SARDH: variants seen among roughly 807,000 people sequenced by gnomAD.
The protein encoded by SARDH is sarcosine dehydrogenase, mitochondrial.
SARDH carries 95 observed loss-of-function variants against 109.1 expected under a neutral mutation model. The ratio of observed to expected loss-of-function variants is 0.87; its 90% CI spans 0.74 to 1.03. The LOEUF is 1.03. Ranked by LOEUF, SARDH falls within the 50% of genes least tolerant of loss-of-function variation. SARDH has a pLI of 0.00. For synonymous variants in SARDH, 572 were observed against 534.8 expected, an observed-to-expected ratio of 1.07 and a Z score of -0.96; for missense variants, 1,267 against 1,287.8, an observed-to-expected ratio of 0.98 and a Z score of 0.25.
At chr9:133,735,117 G>T (rs1832838765) in intron 1 of SARDH, among the ~76,000 whole-genome samples, 1 of 152,220 alleles carries the variant, frequency 6.6e-6, no homozygotes, top group African/African-American at 2.4e-5. Flanking sequence ...GCAGCCTCGA[G>T]ACGGGGCACC....
chr9:133,697,696 A>G (rs1831332265), intron 13 of SARDH, among the ~76,000 whole-genome samples: 1 of 152,256 alleles, frequency 6.6e-6, no homozygotes, highest in South Asian at 2.1e-4. Context: ...CAGATACAGA[A>G]AAGTATTTGA....
At chr9:133,734,408 C>CACTCAT (rs1832805478) in intron 1 of SARDH, among the ~76,000 whole-genome samples, 1 of 110,576 alleles carries the variant, frequency 9.0e-6, no homozygotes, top group Non-Finnish European at 1.8e-5. Flanking sequence ...CATTCATTCA[C>CACTCAT]TCATTCATTC....
At chr9:133,730,528 T>TAAA (rs33917417) in intron 4 of SARDH, among the ~76,000 whole-genome samples, 14,129 of 142,448 alleles carry the variant, frequency 0.099, 884 homozygotes, top group African/African-American at 0.16. Flanking sequence ...TACTGCTTGG[T>TAAA]AAAAAAAAAA....
At chr9:133,687,992 C>T (rs1307937056) in intron 16 of SARDH, among the ~76,000 whole-genome samples, 2 of 152,158 alleles carry the variant, frequency 1.3e-5, no homozygotes, top group Non-Finnish European at 1.5e-5. Flanking sequence ...CTGGGCGCAC[C>T]GGCCGCCCCC....
Position 133,690,509 on chromosome 9 carries a change from G to A in SARDH, c.1940C>T (p.Ala647Val). 1 of 1,605,140 alleles carries A rather than the reference G, an allele frequency of 6.2e-7. No homozygotes were observed. Among genetic ancestry groups the A allele is most frequent in the Non-Finnish European group, 8.5e-7 (1 of 1,178,292 alleles). The change falls in exon 16 of 21, where the codon GCC becomes GTC. Residue 647 changes from alanine (A) to valine (V), a missense_variant. Ala to Val is a moderately conservative substitution (Grantham distance 64, BLOSUM62 0). Coordinates refer to ENST00000439388, the MANE Select transcript of SARDH (RefSeq NM_001134707.2). ...GTGCTGGGCCACGGCCCCGCCCATG[G>A]CCAGGTAGTAACCGTCCCCTGGAAG... ...PAFEGDGYYLAMGGAVAQHNW... is the reference protein window; with the variant it reads ...PAFEGDGYYLVMGGAVAQHNW...
intron 17 of SARDH, among the ~76,000 whole-genome samples, chr9:133,674,264 T>C (rs1588384611): frequency 6.6e-6 from 1 of 152,330 alleles, no homozygotes; most frequent in East Asian, 1.9e-4. Context: ...GAACAGCGTC[T>C]CCCAGCGCCC....
chr9:133,672,737 G>A (rs1461231427), intron 17 of SARDH, among the ~76,000 whole-genome samples: 3 of 152,248 alleles, frequency 2.0e-5, no homozygotes, highest in African/African-American at 7.2e-5. Context: ...TGTTCTGGGT[G>A]AGGAAGGGGC....
At chr9:133,664,574 C>A (rs777767319) in intron 20 of SARDH, among the ~76,000 whole-genome samples, 13 of 152,130 alleles carry the variant, frequency 8.5e-5, no homozygotes, top group Non-Finnish European at 1.8e-4. Flanking sequence ...GCTGGTGACG[C>A]CTGGCACTTT....
intron 20 of SARDH, 29 bp from the exon 21 acceptor site, chr9:133,664,043 C>T (rs1829971624): frequency 6.2e-7 from 1 of 1,612,414 alleles, no homozygotes; most frequent in South Asian, 1.1e-5. Context: ...ATGAGGATCA[C>T]TCTCTGTTGG....
intron 6 of SARDH, among the ~76,000 whole-genome samples, chr9:133,721,154 G>A (rs915902326): frequency 1.9e-4 from 29 of 152,120 alleles, no homozygotes; most frequent in Admixed American, 4.6e-4. Context: ...TGAAAATCAC[G>A]CATTCATATG....
At chr9:133,688,694 A>T (rs939089496) in intron 16 of SARDH, among the ~76,000 whole-genome samples, 1 of 152,256 alleles carries the variant, frequency 6.6e-6, no homozygotes, top group Non-Finnish European at 1.5e-5. Flanking sequence ...TGCCTCAGAC[A>T]TACGCACTGG....
At chr9:133,683,037 C>CTG (rs1830755120) in intron 17 of SARDH, among the ~76,000 whole-genome samples, 2 of 152,246 alleles carry the variant, frequency 1.3e-5, no homozygotes, top group African/African-American at 4.8e-5. Context: ...CCTGCACCCC[C>CTG]CACGCTGTGT....
intron 17 of SARDH, among the ~76,000 whole-genome samples, chr9:133,678,059 T>C (rs1001005340): frequency 2.0e-5 from 3 of 152,236 alleles, no homozygotes; most frequent in Non-Finnish European, 4.4e-5. Flanking sequence ...GAGGGAGTTC[T>C]GTGGGATGCC....
At chr9:133,668,460 G>A (rs370709201) in intron 19 of SARDH, among the ~76,000 whole-genome samples, 292 of 4,036 alleles carry the variant, frequency 0.072, 20 homozygotes, top group East Asian at 0.38. Context: ...CCTCTCCCTC[G>A]CCCTCCCTCT....
chr9:133,709,354 A>G lies in SARDH; in HGVS notation c.1329-926T>C, dbSNP rs1402469017. Reference sequence around the variant, plus strand: ...ACCAGCCACCCGTCCCGAATCCGACAGTGCGGAACTGCTGGCTGGAGTGAG... The same window carrying G: ...ACCAGCCACCCGTCCCGAATCCGACGGTGCGGAACTGCTGGCTGGAGTGAG... On this transcript the variant is annotated intron_variant, in intron 10 of 20. Coordinates refer to ENST00000439388, the MANE Select transcript of SARDH (RefSeq NM_001134707.2). The surrounding 1 kb of genome is among the most constrained non-coding windows in gnomAD (Gnocchi z 4.2). Among the ~76,000 whole-genome samples, 1 of 152,126 alleles carries G rather than the reference A, an allele frequency of 6.6e-6. No individual in the cohort carries two copies. Among genetic ancestry groups the G allele is most frequent in the Non-Finnish European group, 1.5e-5 (1 of 68,022 alleles).
At chr9:133,695,014 G>C (rs746331135) in intron 14 of SARDH, among the ~76,000 whole-genome samples, 1 of 152,128 alleles carries the variant, frequency 6.6e-6, no homozygotes, top group Admixed American at 6.5e-5. Context: ...ATGATGTTAG[G>C]GGTTGAATTG....
rs915620806 is a variant in SARDH, at chr9:133,666,245, A to C, written c.2631+490T>G. On this transcript the variant is annotated intron_variant, in intron 20 of 20. Coordinates refer to ENST00000439388, the MANE Select transcript of SARDH (RefSeq NM_001134707.2). This position sits in a 1 kb window ranked among gnomAD's most constrained non-coding sequence, Gnocchi z 5.2. ...TGGGTCTCTGAGTCTCTAGTCGGTC[A>C]CCCTGGGGGCCACCCCTGCACCCCA... 3.3e-5 allele frequency among the ~76,000 whole-genome samples: 5 copies of C among 150,836 alleles called. No individual in the cohort carries two copies. Among genetic ancestry groups the C allele is most frequent in the Non-Finnish European group, 5.9e-5 (4 of 67,724 alleles).
At position 133,704,096 on chromosome 9, in the gene SARDH, C is replaced by T. The variant is rs904771300; in HGVS notation, c.1554+852G>A. Among the ~76,000 whole-genome samples, 2 of 152,112 alleles carry T rather than the reference C, an allele frequency of 1.3e-5. No homozygotes were observed. Among genetic ancestry groups the T allele is most frequent in the Middle Eastern group, 3.2e-3 (1 of 316 alleles). ...CTCCTCCCCGCAGGGTTCATGAGGA[C>T]GGCATGTCCCTAGGGGCCAGCAGGA... On this transcript the variant is annotated intron_variant, in intron 12 of 20. Transcript: ENST00000439388. The surrounding 1 kb of genome is among the most constrained non-coding windows in gnomAD (Gnocchi z 4.5).
At position 133,712,912 on chromosome 9, in the gene SARDH, CTCCCCAGCCTCTCCTG is replaced by C; in HGVS notation, c.1237+110_1237+125del. 4 of 1,042,244 alleles carry C rather than the reference CTCCCCAGCCTCTCCTG, an allele frequency of 3.8e-6. No homozygotes were observed. Among genetic ancestry groups the C allele is most frequent in the Non-Finnish European group, 5.7e-6 (4 of 703,150 alleles). 64.6% of individuals were successfully genotyped at this position (1,042,244 alleles called of 1,614,324 possible). ...TCTCTGGGAAGCAGAAGGGGCTGGA[CTCCCCAGCCTCTCCTG>C]TCCCCACCACTGTCGGGGGCCACGG... On this transcript the variant is annotated intron_variant, in intron 9 of 20. Transcript: ENST00000439388. This position sits in a 1 kb window ranked among gnomAD's most constrained non-coding sequence, Gnocchi z 4.1.
Sources: allele counts gnomAD v4.1 joint callset (sites outside exome capture counted in the v4.1 genomes callset), GRCh38; gene constraint gnomAD v4.1.1; non-coding constraint Gnocchi (gnomAD v3.1); transcripts MANE v1.5; gene names NCBI Gene and HGNC (gene_info 2026-07-23, HGNC 2026-07-21).